Variants in ZBTB44 observed in about 807,000 individuals in gnomAD.
ZBTB44 encodes zinc finger and BTB domain containing 44, also known as zinc finger and BTB domain-containing protein 44.
A neutral mutation model predicts 54.0 loss-of-function variants in ZBTB44; 15 were observed. That is an observed-to-expected ratio of 0.28 (90% CI 0.19 to 0.43). The LOEUF is 0.43. Ranked by LOEUF, ZBTB44 falls within the 20% of genes least tolerant of loss-of-function variation. ZBTB44 has a pLI of 1.00. For missense variants in ZBTB44, 487 were observed against 707.1 expected (o/e 0.69, Z 3.53); for synonymous variants, 230 against 250.1 (o/e 0.92, Z 0.76).
rs895744684 is a variant in ZBTB44 at position 130,231,521 on chromosome 11, A to G, written c.*243T>C. ...GTGATGGGTAATCCCTCATTCTGAG[A>G]ACACAGTCAGAATATCTTGGAGCTA... On this transcript the variant is annotated 3_prime_UTR_variant, in exon 8 of 8. Coordinates refer to ENST00000357899, the MANE Select transcript of ZBTB44 (RefSeq NM_001301098.2). The G allele has an allele frequency of 1.3e-5, 2 of 152,148 alleles. No homozygotes were observed. The highest frequency in any genetic ancestry group is 2.9e-5 in the Non-Finnish European group (2 of 68,000). The allele number at this position is 152,148 out of a possible 1,614,324, so 9.4% of individuals were successfully genotyped here.
At chr11:130,298,326 T>A (rs1461932166) in intron 1 of ZBTB44, among the ~76,000 whole-genome samples, 1 of 151,902 alleles carries the variant, frequency 6.6e-6, no homozygotes, top group Non-Finnish European at 1.5e-5. Context: ...TATTTTCTTG[T>A]AGAGACAGGG....
intron 1 of ZBTB44, among the ~76,000 whole-genome samples, chr11:130,291,869 T>C (rs1397204086): frequency 1.3e-5 from 2 of 152,232 alleles, no homozygotes; most frequent in African/African-American, 2.4e-5. Context: ...TTATAACATA[T>C]ATATCACCAC....
intron 1 of ZBTB44, among the ~76,000 whole-genome samples, chr11:130,302,454 T>A (rs77734588): frequency 0.041 from 6,228 of 152,236 alleles, 315 homozygotes; most frequent in African/African-American, 0.12. Context: ...CTTGGAAGAA[T>A]GGGTTAGTTT....
intron 5 of ZBTB44, chr11:130,236,071 A>G (rs1383293941): frequency 4.2e-6 from 5 of 1,204,476 alleles, no homozygotes; most frequent in Non-Finnish European, 5.3e-6. Context: ...ACAGTTTTAT[A>G]TCTAGAGAAG....
rs755900768 is a variant in ZBTB44, at chr11:130,227,326, C to T, written c.*4438G>A. ...GTAAAGCCATACTTGAATGAGATGACGACTGGATACAAAGCTGGTGAACTG... is the reference window on the plus strand; with the variant it reads ...GTAAAGCCATACTTGAATGAGATGATGACTGGATACAAAGCTGGTGAACTG... On this transcript the variant is annotated 3_prime_UTR_variant, in exon 8 of 8. Coordinates refer to ENST00000357899, the MANE Select transcript of ZBTB44 (RefSeq NM_001301098.2). 10 of 152,106 alleles carry T rather than the reference C, an allele frequency of 6.6e-5. No homozygotes were observed. The highest frequency in any genetic ancestry group is 1.3e-4 in the Non-Finnish European group (9 of 68,028). 9.4% of individuals were successfully genotyped at this position (152,106 alleles called of 1,614,324 possible).
At chr11:130,296,310 A>G in intron 1 of ZBTB44, 1 of 1,518,914 alleles carries the variant, frequency 6.6e-7, no homozygotes. Flanking sequence ...TACATTCCTT[A>G]AGAAGAACCG....
intron 1 of ZBTB44, among the ~76,000 whole-genome samples, chr11:130,287,419 T>C (rs1941032635): frequency 6.6e-6 from 1 of 152,226 alleles, no homozygotes; most frequent in Non-Finnish European, 1.5e-5. Flanking sequence ...AGCTCTCTAG[T>C]CTTCATTAGT....
chr11:130,298,468 T>G (rs890566708), intron 1 of ZBTB44, among the ~76,000 whole-genome samples: 19 of 149,028 alleles, frequency 1.3e-4, no homozygotes, highest in Admixed American at 3.4e-4. Flanking sequence ...TTTTTTTTTT[T>G]TTTTTTTTTT....
chr11:130,280,010 G>A (rs1442667364), intron 1 of ZBTB44, among the ~76,000 whole-genome samples: 1 of 152,118 alleles, frequency 6.6e-6, no homozygotes, highest in African/African-American at 2.4e-5. Flanking sequence ...TGAGTACTTG[G>A]CAGAAAGGGG....
intron 2 of ZBTB44, 66 bp downstream of exon 2, chr11:130,260,790 T>C: frequency 6.7e-7 from 1 of 1,499,822 alleles, no homozygotes; most frequent in Non-Finnish European, 8.8e-7. Context: ...ACTTTTTATC[T>C]AACAGGAACT....
chr11:130,261,044 G>T lies in ZBTB44; in HGVS notation c.830C>A (p.Thr277Asn). The T allele has an allele frequency of 6.2e-7, 1 of 1,613,988 alleles. No homozygotes were observed. Among genetic ancestry groups the T allele is most frequent in the Non-Finnish European group, 8.5e-7 (1 of 1,179,882 alleles). ...ADYVTCESTK[T>N]TLPLGTEEDV... ...TTCTTCGGTACCTAAAGGCAAGGTA[G>T]TTTTTGTGCTCTCACAAGTCACATA... The change falls in exon 2 of 8, where the codon ACT becomes AAT. Residue 277 changes from threonine to asparagine, a missense_variant. By Grantham distance (65) the Thr-to-Asn change is moderately conservative (BLOSUM62 0). Transcript: ENST00000357899. The surrounding 1 kb of genome is among the most constrained non-coding windows in gnomAD (Gnocchi z 4.8).
chr11:130,311,992 A>T (rs77229326), intron 1 of ZBTB44, among the ~76,000 whole-genome samples: 1 of 152,288 alleles, frequency 6.6e-6, no homozygotes, highest in South Asian at 2.1e-4. Flanking sequence ...AACCCATGAG[A>T]GTCTGAAGTG....
intron 1 of ZBTB44, among the ~76,000 whole-genome samples, chr11:130,270,043 A>C (rs1939556609): frequency 6.6e-6 from 1 of 152,180 alleles, no homozygotes; most frequent in Non-Finnish European, 1.5e-5. Flanking sequence ...TGAGATTAAA[A>C]CGAAGTAGCT....
In ZBTB44 at chr11:130,252,385, AAG is replaced by A. The variant is rs1222794601; in HGVS notation, c.1018+8469_1018+8470del. 2.0e-5 allele frequency among the ~76,000 whole-genome samples: 3 copies of A among 152,200 alleles called. No homozygotes were observed. The East Asian group carries it at 5.8e-4, about 29-fold the overall frequency. ...AGATCAACGAGACAGAAAATTAACA[AAG>A]ATATTCAGGACTTGAACTCAGCTCT... On this transcript the variant is annotated intron_variant, in intron 2 of 7. Transcript: ENST00000357899.
At chr11:130,280,440 C>T (rs529721819) in intron 1 of ZBTB44, among the ~76,000 whole-genome samples, 1 of 152,078 alleles carries the variant, frequency 6.6e-6, no homozygotes, top group African/African-American at 2.4e-5. Context: ...AAGACAGCAT[C>T]AAAATACATG....
chr11:130,238,374 T>G, intron 4 of ZBTB44, 70 bp downstream of exon 4: 2 of 1,418,030 alleles, frequency 1.4e-6, no homozygotes, highest in Non-Finnish European at 1.9e-6. Flanking sequence ...TGTTTTCTAT[T>G]TTAACTGGGA....
chr11:130,280,399 C>T (rs1216208724), intron 1 of ZBTB44, among the ~76,000 whole-genome samples: 2 of 152,064 alleles, frequency 1.3e-5, no homozygotes, highest in Non-Finnish European at 2.9e-5. Context: ...ATTAACTCAT[C>T]AAGTGAAACA....
At chr11:130,314,026 G>A (rs1318516355) in intron 1 of ZBTB44, among the ~76,000 whole-genome samples, 2 of 151,916 alleles carry the variant, frequency 1.3e-5, no homozygotes, top group African/African-American at 4.8e-5. Context: ...GAAGGGGAAA[G>A]GAGGAAAAAA....
intron 1 of ZBTB44, among the ~76,000 whole-genome samples, chr11:130,283,532 T>C (rs1175233540): frequency 6.6e-6 from 1 of 152,220 alleles, no homozygotes; most frequent in Non-Finnish European, 1.5e-5. Context: ...AAAATAATCT[T>C]ATGTAAGAAT....
Sources: allele counts gnomAD v4.1 joint callset (sites outside exome capture counted in the v4.1 genomes callset), GRCh38; gene constraint gnomAD v4.1.1; non-coding constraint Gnocchi (gnomAD v3.1); transcripts MANE v1.5; gene names NCBI Gene and HGNC (gene_info 2026-07-23, HGNC 2026-07-21).